NPEPPS: variants seen among roughly 807,000 people sequenced by gnomAD.
NPEPPS encodes puromycin-sensitive aminopeptidase.
NPEPPS carries 14 observed loss-of-function variants against 115.5 expected under a neutral mutation model. The ratio of observed to expected loss-of-function variants is 0.12; its 90% CI spans 0.08 to 0.19. The LOEUF is 0.19. Ranked by LOEUF, NPEPPS falls within the 10% of genes least tolerant of loss-of-function variation. The probability of loss-of-function intolerance (pLI) is 1.00; values close to 1 mark genes in which losing one functional copy is unlikely to be tolerated. For synonymous variants in NPEPPS, 285 were observed against 390.6 expected, an observed-to-expected ratio of 0.73 and a Z score of 3.19; for missense variants, 523 against 1,110.8, an observed-to-expected ratio of 0.47 and a Z score of 7.52.
At chr17:47,601,848 ACCT>A in intron 15 of NPEPPS, 101 bp downstream of exon 15, 4 of 1,230,964 alleles carry the variant, frequency 3.2e-6, no homozygotes, top group Non-Finnish European at 4.5e-6. Flanking sequence ...AAAAAAAAAA[ACCT>A]AAACTTTTCT....
At chr17:47,618,308 A>AT in intron 19 of NPEPPS, 42 bp from the exon 20 acceptor site, 1 of 1,328,454 alleles carries the variant, frequency 7.5e-7, no homozygotes. Flanking sequence ...AGAACATCCA[A>AT]GGGAGAGTTA....
intron 1 of NPEPPS, among the ~76,000 whole-genome samples, chr17:47,540,157 C>T (rs556664952): frequency 6.6e-6 from 1 of 152,016 alleles, no homozygotes; most frequent in African/African-American, 2.4e-5. Context: ...TGGTACAGCC[C>T]TTACTTAGTA....
At chr17:47,552,885 C>T (rs1909745060) in intron 2 of NPEPPS, among the ~76,000 whole-genome samples, 2 of 152,026 alleles carry the variant, frequency 1.3e-5, no homozygotes, top group African/African-American at 2.4e-5. Flanking sequence ...AGAGAACAAC[C>T]GTAGGCACAG....
intron 14 of NPEPPS, 25 bp downstream of exon 14, chr17:47,599,764 T>C: frequency 6.5e-7 from 1 of 1,530,042 alleles, no homozygotes; most frequent in Non-Finnish European, 8.9e-7. Flanking sequence ...GTAAGTGAGA[T>C]ATGATTGATG....
intron 1 of NPEPPS, among the ~76,000 whole-genome samples, chr17:47,537,339 T>C (rs1908375338): frequency 6.6e-6 from 1 of 152,166 alleles, no homozygotes; most frequent in Non-Finnish European, 1.5e-5. Flanking sequence ...TGGCAATGAA[T>C]TCTGCAGTGA....
At chr17:47,571,535 G>A (rs1380507859) in intron 3 of NPEPPS, among the ~76,000 whole-genome samples, 3 of 152,062 alleles carry the variant, frequency 2.0e-5, no homozygotes, top group Non-Finnish European at 4.4e-5. Context: ...TGACTAACAC[G>A]GTGAAACCCT....
intron 2 of NPEPPS, among the ~76,000 whole-genome samples, chr17:47,556,028 A>T (rs1597832612): frequency 1.8e-5 from 2 of 112,808 alleles, no homozygotes; most frequent in African/African-American, 7.0e-5. Context: ...TGCTGGCGTG[A>T]CCTTGGCTCA....
At chr17:47,561,685 A>G (rs1475780537) in intron 2 of NPEPPS, among the ~76,000 whole-genome samples, 1 of 152,158 alleles carries the variant, frequency 6.6e-6, no homozygotes, top group East Asian at 1.9e-4. Context: ...CAAGCAGGCC[A>G]TAGAAACTAA....
intron 3 of NPEPPS, among the ~76,000 whole-genome samples, chr17:47,573,739 A>T (rs1911339925): frequency 6.6e-6 from 1 of 152,204 alleles, no homozygotes; most frequent in Non-Finnish European, 1.5e-5. Flanking sequence ...AAGAAAAAAT[A>T]GCTGTGTAAG....
At position 47,604,169 on chromosome 17, in the gene NPEPPS, T is replaced by C. The variant is rs1913391916; in HGVS notation, c.1875+120T>C. The C allele has an allele frequency of 7.1e-6, 6 of 847,964 alleles. No individual in the cohort carries two copies. The South Asian group carries it at 1.2e-4, about 17-fold the overall frequency. The allele number at this position is 847,964 out of a possible 1,614,324, so 52.5% of individuals were successfully genotyped here. A position where few individuals can be genotyped will look rare whatever the true frequency, so the allele number is the denominator to read the frequency against. ...GTCTTCATGATGGTTAAAAACACCT[T>C]TGGGACTAGAGCAAATCACTGTTTT... On this transcript the variant is annotated intron_variant, in intron 16 of 22. Coordinates refer to ENST00000322157, the MANE Select transcript of NPEPPS (RefSeq NM_006310.4).
intron 1 of NPEPPS, among the ~76,000 whole-genome samples, chr17:47,541,975 T>G (rs891619302): frequency 9.2e-5 from 14 of 152,216 alleles, no homozygotes; most frequent in Admixed American, 4.6e-4. Context: ...TTACTGTCTC[T>G]CATTTAGGCA....
chr17:47,530,351 GTTTTT>G (rs58886094), upstream of NPEPPS, among the ~76,000 whole-genome samples: 808 of 97,730 alleles, frequency 8.3e-3, 5 homozygotes, highest in African/African-American at 0.028. Context: ...ATTATTAAAG[GTTTTT>G]TTTTTTTTTT....
intron 2 of NPEPPS, among the ~76,000 whole-genome samples, chr17:47,559,253 G>A (rs1910271962): frequency 6.6e-6 from 1 of 151,968 alleles, no homozygotes; most frequent in Admixed American, 6.6e-5. Flanking sequence ...TGTTGCCTAG[G>A]CTGGTCTCGA....
At chr17:47,553,148 C>T (rs1194752004) in intron 2 of NPEPPS, among the ~76,000 whole-genome samples, 1 of 151,890 alleles carries the variant, frequency 6.6e-6, no homozygotes, top group East Asian at 1.9e-4. Context: ...GGGCGGCTCA[C>T]CTAAGGTCAG....
chr17:47,549,780 C>CAAAA (rs34434179), intron 2 of NPEPPS, among the ~76,000 whole-genome samples: 2 of 43,338 alleles, frequency 4.6e-5, no homozygotes, highest in Non-Finnish European at 9.3e-5. Flanking sequence ...GACTCTGTCT[C>CAAAA]AAAAAAAAAA....
At chr17:47,529,772 T>C, upstream of NPEPPS, among the ~76,000 whole-genome samples, 1 of 80,830 alleles carries the variant, frequency 1.2e-5, no homozygotes, top group African/African-American at 3.9e-5. Flanking sequence ...TATATGCATT[T>C]GTATATATAC....
intron 17 of NPEPPS, 64 bp downstream of exon 17, chr17:47,605,616 A>G: frequency 1.1e-6 from 1 of 926,368 alleles, no homozygotes. Flanking sequence ...TGTGGTTAAC[A>G]ATATAATTAA....
intron 1 of NPEPPS, among the ~76,000 whole-genome samples, chr17:47,544,414 G>A (rs1200488724): frequency 6.6e-6 from 1 of 152,020 alleles, no homozygotes; most frequent in Non-Finnish European, 1.5e-5. Flanking sequence ...AAGGCCTCAT[G>A]GTGAGTTCGA....
intron 2 of NPEPPS, among the ~76,000 whole-genome samples, chr17:47,546,925 T>C (rs1215316171): frequency 2.6e-5 from 4 of 152,180 alleles, no homozygotes. Flanking sequence ...GAATATAATA[T>C]GCATAATAAA....
Sources: allele counts gnomAD v4.1 joint callset (sites outside exome capture counted in the v4.1 genomes callset), GRCh38; gene constraint gnomAD v4.1.1; transcripts MANE v1.5; gene names NCBI Gene and HGNC (gene_info 2026-07-23, HGNC 2026-07-21).